Variants in PSME4 observed in about 807,000 individuals in gnomAD.
PSME4 encodes the protein proteasome activator subunit 4.
In PSME4, 89 loss-of-function variants were observed where a neutral mutation model predicts 253.9. The ratio of observed to expected loss-of-function variants is 0.35; its 90% confidence interval spans 0.30 to 0.42. The LOEUF is 0.42. Among genes scored for constraint, PSME4 ranks in the 10% least tolerant of loss-of-function variants. PSME4 has a pLI of 1.00. For missense variants in PSME4, 2,014 were observed against 2,195.2 expected (o/e 0.92, Z 1.65); for synonymous variants, 851 against 759.2 (o/e 1.12, Z -1.99).
At chr2:53,940,092 A>G in intron 3 of PSME4, 92 bp from the exon 4 acceptor site, 1 of 983,700 alleles carries the variant, frequency 1.0e-6, no homozygotes, top group Non-Finnish European at 1.5e-6. Flanking sequence ...AACCTCACAC[A>G]TTCAGGTATT....
chr2:53,920,164 A>T, intron 19 of PSME4, 29 bp downstream of exon 19: 1 of 1,566,182 alleles, frequency 6.4e-7, no homozygotes, highest in Non-Finnish European at 8.7e-7. Flanking sequence ...TCTGCAACTG[A>T]ATAACTCTAA....
intron 14 of PSME4, among the ~76,000 whole-genome samples, chr2:53,925,159 T>C (rs1668505678): frequency 1.3e-5 from 2 of 152,006 alleles, no homozygotes; most frequent in South Asian, 4.1e-4. Context: ...GAATCACCAA[T>C]AAGAAGCAAA....
In PSME4 at chr2:53,970,982, A is replaced by G. The variant is rs1004244808; in HGVS notation, c.-198T>C. ...CGGCTCTCAGTTCGTTGGCGGCGGC[A>G]GCGGCCGCTCTGCCCGCCCCGCACC... On this transcript the variant is annotated 5_prime_UTR_variant, in exon 1 of 47. Coordinates refer to ENST00000404125, the MANE Select transcript of PSME4 (RefSeq NM_014614.3). 275 of 467,982 alleles carry G rather than the reference A, an allele frequency of 5.9e-4. No individual in the cohort carries two copies. The highest frequency in any genetic ancestry group is 7.5e-4 in the Non-Finnish European group (204 of 273,268). 29.0% of individuals were successfully genotyped at this position (467,982 alleles called of 1,614,324 possible).
chr2:53,928,299 A>G lies in PSME4; in HGVS notation c.1321T>C (p.Tyr441His). 1.2e-6 allele frequency: 2 copies of G among 1,613,574 alleles called. No homozygotes were observed. The highest frequency in any genetic ancestry group is 2.7e-5 in the African/African-American group (2 of 75,048). The change falls in exon 11 of 47, where the codon TAT becomes CAT. Residue 441 changes from tyrosine to histidine, a missense_variant. Physicochemically the swap from Tyr to His is moderately conservative, Grantham distance 83. Around this residue, in one of 4 missense-constraint regions of PSME4, gnomAD observed 615 missense variants for 594.4 expected, o/e 1.03. Transcript: ENST00000404125. ...LVIPPVLERTYPALETLTEPH... is the reference protein window; with the variant it reads ...LVIPPVLERTHPALETLTEPH... Reference sequence around the variant, plus strand: ...TCTGTTAATGTCTCTAATGCAGGATATGTTCTACAGTTTGAAAACAGAATT... The same window carrying G: ...TCTGTTAATGTCTCTAATGCAGGATGTGTTCTACAGTTTGAAAACAGAATT...
At position 53,920,188 on chromosome 2, in the gene PSME4, C is replaced by G; in HGVS notation, c.2420+5G>C. Reference sequence around the variant, plus strand: ...GAATAACTCTAATTATAAAATAAAACCAACCTAGACATTTCAAGTTTTCCA... The same window carrying G: ...GAATAACTCTAATTATAAAATAAAAGCAACCTAGACATTTCAAGTTTTCCA... On this transcript the variant is annotated splice_donor_5th_base_variant and intron_variant, in intron 19 of 46. Transcript: ENST00000404125. 1 of 1,587,064 alleles carries G rather than the reference C, an allele frequency of 6.3e-7. No individual in the cohort carries two copies.
intron 1 of PSME4, among the ~76,000 whole-genome samples, chr2:53,966,568 A>C (rs949922318): frequency 1.3e-5 from 2 of 152,068 alleles, no homozygotes; most frequent in Non-Finnish European, 2.9e-5. Context: ...GTCTCCAAAA[A>C]AAAAAAAAGA....
intron 1 of PSME4, among the ~76,000 whole-genome samples, chr2:53,958,155 C>T (rs972928992): frequency 7.1e-6 from 1 of 140,136 alleles, no homozygotes; most frequent in East Asian, 2.1e-4. Flanking sequence ...CACTGCACTC[C>T]AGCCTGGGCG....
At chr2:53,960,229 T>C (rs184754833) in intron 1 of PSME4, among the ~76,000 whole-genome samples, 8 of 151,406 alleles carry the variant, frequency 5.3e-5, no homozygotes, top group Middle Eastern at 3.4e-3. Context: ...GCGAAACCCA[T>C]CTCTACTAAA....
At chr2:53,915,276 A>C (rs940861592) in intron 20 of PSME4, among the ~76,000 whole-genome samples, 5 of 152,232 alleles carry the variant, frequency 3.3e-5, no homozygotes, top group African/African-American at 9.6e-5. Flanking sequence ...TCCTATCTCC[A>C]CAAAAAATAC....
intron 41 of PSME4, 146 bp from the exon 42 acceptor site, chr2:53,875,901 C>G: frequency 1.6e-6 from 1 of 644,268 alleles, no homozygotes; most frequent in Non-Finnish European, 2.5e-6. Flanking sequence ...CATAATGAAC[C>G]CCCATGAGCC....
chr2:53,882,702 C>T (rs921605676), intron 41 of PSME4, among the ~76,000 whole-genome samples: 1 of 152,082 alleles, frequency 6.6e-6, no homozygotes, highest in Non-Finnish European at 1.5e-5. Flanking sequence ...GAACAACTGT[C>T]ATAAAACCAA....
At chr2:53,891,485 T>G (rs1187212707) in intron 36 of PSME4, among the ~76,000 whole-genome samples, 2 of 152,172 alleles carry the variant, frequency 1.3e-5, no homozygotes, top group African/African-American at 4.8e-5. Context: ...TATCAAAATA[T>G]CACATGTACC....
intron 41 of PSME4, 109 bp from the exon 42 acceptor site, chr2:53,875,864 A>T: frequency 9.7e-7 from 1 of 1,035,890 alleles, no homozygotes; most frequent in Non-Finnish European, 1.4e-6. Context: ...TTTATGGAAA[A>T]TTTCAAACAC....
At chr2:53,871,943 G>T (rs891434037) in intron 43 of PSME4, among the ~76,000 whole-genome samples, 1 of 152,102 alleles carries the variant, frequency 6.6e-6, no homozygotes, top group Non-Finnish European at 1.5e-5. Context: ...CAACCCAGGG[G>T]GCAGAGGTTG....
rs805329 is a variant in PSME4 at position 53,920,680 on chromosome 2, G to C, written c.2262+209C>G. ...TAGACATTAGATAAGGAATATATAC[G>C]AAGTTGTTTCACATATCAATAGGAA... On this transcript the variant is annotated intron_variant, in intron 18 of 46. Coordinates refer to ENST00000404125, the MANE Select transcript of PSME4 (RefSeq NM_014614.3). Among the ~76,000 whole-genome samples, 43,717 of 152,014 alleles carry C rather than the reference G, an allele frequency of 0.29. 6,693 individuals are homozygous for C. Among genetic ancestry groups the C allele is most frequent in the South Asian group, 0.48 (2,292 of 4,818 alleles).
At chr2:53,908,973 G>T in intron 21 of PSME4, 133 bp from the exon 22 acceptor site, 1 of 585,622 alleles carries the variant, frequency 1.7e-6, no homozygotes, top group South Asian at 3.1e-5. Context: ...TACCATAGTT[G>T]AATTAATGGC....
At chr2:53,893,518 A>C (rs998850104) in intron 35 of PSME4, among the ~76,000 whole-genome samples, 156 bp downstream of exon 35, 1 of 152,196 alleles carries the variant, frequency 6.6e-6, no homozygotes, top group South Asian at 2.1e-4. Context: ...TTTAGGGAAT[A>C]ACGACAACAA....
At chr2:53,921,817 G>A (rs1314713148) in intron 17 of PSME4, among the ~76,000 whole-genome samples, 8 of 135,792 alleles carry the variant, frequency 5.9e-5, no homozygotes, top group East Asian at 2.4e-4. Context: ...GCAGTGAGCC[G>A]AGATCGTGCC....
intron 1 of PSME4, among the ~76,000 whole-genome samples, 165 bp from the exon 2 acceptor site, chr2:53,949,448 CT>C (rs77741355): frequency 0.24 from 32,950 of 139,264 alleles, 3,868 homozygotes; most frequent in South Asian, 0.33. Context: ...GGATTATTGT[CT>C]TTTTTTTTTT....
Sources: gnomAD v4.1 joint callset for allele counts (sites outside exome capture counted in the v4.1 genomes callset) on GRCh38, gnomAD v4.1.1 for gene constraint, gnomAD v4.1.1 regional missense constraint, MANE v1.5 for transcripts, NCBI Gene and HGNC (gene_info 2026-07-23, HGNC 2026-07-21) for gene names.